The following FAM131B variants were observed in gnomAD, a reference collection of about 807,000 sequenced individuals.
FAM131B encodes protein FAM131B.
Under a neutral mutation model 42.0 loss-of-function variants are expected in FAM131B, and 19 were observed. That is an observed-to-expected ratio of 0.45 (90% CI 0.32 to 0.66). The LOEUF (loss-of-function observed/expected upper bound fraction) is 0.66. Among genes scored for constraint, FAM131B ranks in the 30% least tolerant of loss-of-function variants. The probability of loss-of-function intolerance (pLI) is 0.05; values close to 1 mark genes in which losing one functional copy is unlikely to be tolerated. For synonymous variants in FAM131B, 183 were observed against 177.6 expected (o/e 1.03, Z -0.24); for missense variants, 370 against 468.4 (o/e 0.79, Z 1.94).
chr7:143,371,684 A>G, the FAM131B span, among the ~76,000 whole-genome samples: 1 of 151,830 alleles, frequency 6.6e-6, no homozygotes, highest in African/African-American at 2.4e-5. Context: ...AAGGGCTGGT[A>G]TATGTCATTC....
In FAM131B at chr7:143,354,494, A is replaced by G. The variant is rs1271863929; in HGVS notation, c.*2056T>C. On this transcript the variant is annotated 3_prime_UTR_variant, in exon 7 of 7. Transcript: ENST00000443739. ...TAGCACACATTGGAGAAGGTGAGGA[A>G]CCAGGGACCCCATGGAAGGAAGGTC... is the stretch of plus-strand genomic sequence containing the variant. 1 of 152,250 alleles carries G rather than the reference A, an allele frequency of 6.6e-6. No homozygotes were observed. Among genetic ancestry groups the G allele is most frequent in the East Asian group, 1.9e-4 (1 of 5,184 alleles). 9.4% of individuals were successfully genotyped at this position (152,250 alleles called of 1,614,324 possible).
At chr7:143,357,741 A>G (rs1803738508) in intron 5 of FAM131B, among the ~76,000 whole-genome samples, 2 of 152,210 alleles carry the variant, frequency 1.3e-5, no homozygotes, top group South Asian at 4.1e-4. Context: ...TTTTATACTT[A>G]TAAGCACATC....
Position 143,359,177 on chromosome 7 carries a change from G to T in FAM131B, c.268+149C>A. The stretch of plus-strand genomic sequence containing the variant: ...CATAGATGGGGTAGTGGAGGGAATG[G>T]CCTGGAGGATGGGAGGCTTGACAGA... On this transcript the variant is annotated intron_variant, in intron 4 of 6. Transcript: ENST00000443739. This position sits in a 1 kb window ranked among gnomAD's most constrained non-coding sequence, Gnocchi z 5.4. 1 of 1,022,998 alleles carries T rather than the reference G, an allele frequency of 9.8e-7. No homozygotes were observed. The highest frequency in any genetic ancestry group is 1.5e-6 in the Non-Finnish European group (1 of 684,546). 63.4% of individuals were successfully genotyped at this position (1,022,998 alleles called of 1,614,324 possible).
the FAM131B span, among the ~76,000 whole-genome samples, chr7:143,374,430 T>G: frequency 6.6e-6 from 1 of 152,146 alleles, no homozygotes; most frequent in Non-Finnish European, 1.5e-5. Flanking sequence ...ATCTCCTCCC[T>G]TTCACCTCGA....
chr7:143,358,998 C>T lies in FAM131B; in HGVS notation c.295G>A (p.Val99Met). ...SGISRSMKDHVTKPTAMGQGR... is the reference protein window; with the variant it reads ...SGISRSMKDHMTKPTAMGQGR... Reference sequence around the variant, plus strand: ...TGCCCCATGGCTGTGGGCTTTGTCACATGGTCCTTCATGCTCCGTGAGATC... The same window carrying T: ...TGCCCCATGGCTGTGGGCTTTGTCATATGGTCCTTCATGCTCCGTGAGATC... The change falls in exon 5 of 7, where the codon GTG becomes ATG. Residue 99 changes from valine to methionine, a missense_variant. Physicochemically the swap from Val to Met is conservative, Grantham distance 21. Transcript: ENST00000443739. The surrounding 1 kb of genome is among the most constrained non-coding windows in gnomAD (Gnocchi z 4.7). The T allele has an allele frequency of 6.2e-7, 1 of 1,613,922 alleles. No individual in the cohort carries two copies. Among genetic ancestry groups the T allele is most frequent in the African/African-American group, 1.3e-5 (1 of 75,070 alleles).
At chr7:143,379,129 G>A in the FAM131B span, among the ~76,000 whole-genome samples, 9 of 152,178 alleles carry the variant, frequency 5.9e-5, no homozygotes, top group Non-Finnish European at 1.0e-4. Flanking sequence ...TATTTTGCAC[G>A]CGCACATTAC....
chr7:143,360,352 A>G (rs1283427786), intron 1 of FAM131B: 1 of 1,416,736 alleles, frequency 7.1e-7, no homozygotes, highest in Non-Finnish European at 9.2e-7. Flanking sequence ...TAGTGCACTC[A>G]GAAAAAGTGA....
At chr7:143,365,475 A>G (rs1804160377), upstream of FAM131B, among the ~76,000 whole-genome samples, 1 of 152,222 alleles carries the variant, frequency 6.6e-6, no homozygotes, top group East Asian at 1.9e-4. Context: ...TATTCTTCCA[A>G]ACCTCTAAGA....
the FAM131B span, chr7:143,381,053 A>G: frequency 1.9e-5 from 6 of 321,638 alleles, no homozygotes; most frequent in South Asian, 6.2e-4. Context: ...AAATGACATC[A>G]GAGGCCTGTG....
the FAM131B span, among the ~76,000 whole-genome samples, chr7:143,376,530 C>T: frequency 5.3e-5 from 8 of 152,328 alleles, 1 homozygote; most frequent in Non-Finnish European, 2.9e-5. Context: ...GTCAGTCCCA[C>T]CCCTCTCTTG....
At chr7:143,366,225 A>C (rs1804179085), upstream of FAM131B, among the ~76,000 whole-genome samples, 1 of 152,216 alleles carries the variant, frequency 6.6e-6, no homozygotes, top group Non-Finnish European at 1.5e-5. Context: ...CCATAAACTG[A>C]AGAGAGGAAT....
At chr7:143,364,533 C>T (rs1391926738), upstream of FAM131B, among the ~76,000 whole-genome samples, 2 of 152,258 alleles carry the variant, frequency 1.3e-5, no homozygotes, top group East Asian at 3.9e-4. Context: ...AAACCTCTCC[C>T]CTTGGTCTCC....
Position 143,356,712 on chromosome 7 carries a change from T to A in FAM131B, c.921A>T (p.Pro307=). 1 of 1,614,106 alleles carries A rather than the reference T, an allele frequency of 6.2e-7. No homozygotes were observed. Among genetic ancestry groups the A allele is most frequent in the Non-Finnish European group, 8.5e-7 (1 of 1,180,016 alleles). The change falls in exon 7 of 7, where the codon CCA becomes CCT. Residue 307 remains proline (P), a synonymous_variant. Coordinates refer to ENST00000443739, the MANE Select transcript of FAM131B (RefSeq NM_001031690.3). This position sits in a 1 kb window ranked among gnomAD's most constrained non-coding sequence, Gnocchi z 4.4. ...CATCCTCTTCCTCCTCAGGTGCCAA[T>A]GGCCTCTTCTCCTCCTCAGCAGGGC... ...ARGPAEEEKR[P]LAPEEEEDAG...
the FAM131B span, among the ~76,000 whole-genome samples, chr7:143,379,135 A>T: frequency 5.3e-5 from 8 of 152,364 alleles, no homozygotes; most frequent in Middle Eastern, 0.01. Flanking sequence ...GCACGCGCAC[A>T]TTACTTAAGG....
chr7:143,371,430 A>G, the FAM131B span, among the ~76,000 whole-genome samples: 7 of 151,850 alleles, frequency 4.6e-5, no homozygotes, highest in East Asian at 1.4e-3. Context: ...TGGGCAACAT[A>G]TGGAGACCTT....
At chr7:143,369,653 C>T in the FAM131B span, among the ~76,000 whole-genome samples, 45 of 129,800 alleles carry the variant, frequency 3.5e-4, no homozygotes, top group African/African-American at 1.2e-3. Flanking sequence ...ACAGCCTGGG[C>T]GACAGAGCGA....
Position 143,356,404 on chromosome 7 carries a change from C to A in FAM131B, c.*146G>T. 2 of 631,094 alleles carry A rather than the reference C, an allele frequency of 3.2e-6. No individual in the cohort carries two copies. Among genetic ancestry groups the A allele is most frequent in the South Asian group, 1.9e-5 (1 of 51,454 alleles). 39.1% of individuals were successfully genotyped at this position (631,094 alleles called of 1,614,324 possible). A position where few individuals can be genotyped will look rare whatever the true frequency, so the allele number is the denominator to read the frequency against. ...AGCCTGGATAAAATCCCATCCTGGT[C>A]CTCCATTTCCAGGAGAGGACTGGAA... is the stretch of plus-strand genomic sequence containing the variant. On this transcript the variant is annotated 3_prime_UTR_variant, in exon 7 of 7. Coordinates refer to ENST00000443739, the MANE Select transcript of FAM131B (RefSeq NM_001031690.3). This position sits in a 1 kb window ranked among gnomAD's most constrained non-coding sequence, Gnocchi z 4.4.
At chr7:143,373,156 G>A in the FAM131B span, among the ~76,000 whole-genome samples, 1 of 152,108 alleles carries the variant, frequency 6.6e-6, no homozygotes, top group Non-Finnish European at 1.5e-5. Context: ...GCTGAGGCAG[G>A]TGGATCACTT....
the FAM131B span, among the ~76,000 whole-genome samples, chr7:143,369,274 T>G: frequency 1.3e-5 from 2 of 152,242 alleles, no homozygotes; most frequent in Admixed American, 1.3e-4. Context: ...GTTACATTAT[T>G]TTTCTATGAC....
Sources: gnomAD v4.1 joint callset for allele counts (sites outside exome capture counted in the v4.1 genomes callset) on GRCh38, gnomAD v4.1.1 for gene constraint, Gnocchi (gnomAD v3.1) non-coding constraint, MANE v1.5 for transcripts, NCBI Gene and HGNC (gene_info 2026-07-23, HGNC 2026-07-21) for gene names.